The following SLC9C1 variants were observed in gnomAD, a reference collection of about 807,000 sequenced individuals.
The protein encoded by SLC9C1 is solute carrier family 9 member C1, also known as sodium/hydrogen exchanger 10.
Under a neutral mutation model 140.9 loss-of-function variants are expected in SLC9C1, and 97 were observed. That is an observed-to-expected ratio of 0.69 (90% confidence interval 0.58 to 0.82). The LOEUF (loss-of-function observed/expected upper bound fraction) is 0.82. Among genes scored for constraint, SLC9C1 ranks in the 40% least tolerant of loss-of-function variants. SLC9C1 has a pLI of 0.00. For missense variants in SLC9C1, 1,340 were observed against 1,389.3 expected (o/e 0.96, Z 0.56); for synonymous variants, 440 against 442.6 (o/e 0.99, Z 0.07).
At chr3:112,238,856 A>T (rs1161488308) in intron 12 of SLC9C1, among the ~76,000 whole-genome samples, 1 of 152,198 alleles carries the variant, frequency 6.6e-6, no homozygotes, top group Non-Finnish European at 1.5e-5. Flanking sequence ...GTGAGGGGTC[A>T]GTCTGCCCCT....
Position 112,240,006 on chromosome 3 carries a change from C to A in SLC9C1, c.1280G>T (p.Gly427Val), listed in dbSNP as rs752212987. The change falls in exon 12 of 29, where the codon GGT becomes GTT. Residue 427 changes from glycine to valine, a missense_variant and splice_region_variant. Coordinates refer to ENST00000305815, the MANE Select transcript of SLC9C1 (RefSeq NM_183061.3). ...FILPVAVTILGLRDATSTKYK... is the reference protein window; with the variant it reads ...FILPVAVTILVLRDATSTKYK... The stretch of plus-strand genomic sequence containing the variant: ...TTTTGTTGATGTGGCATCACGAAGA[C>A]CTTTGATACAAACACACATTTGATA... 7 of 1,607,686 alleles carry A rather than the reference C, an allele frequency of 4.4e-6. No individual in the cohort carries two copies. The highest frequency in any genetic ancestry group is 1.7e-4 in the Middle Eastern group (1 of 6,028).
chr3:112,265,323 C>G (rs1290577826), intron 8 of SLC9C1, among the ~76,000 whole-genome samples: 1 of 152,026 alleles, frequency 6.6e-6, no homozygotes, highest in African/African-American at 2.4e-5. Flanking sequence ...GAATCATTCC[C>G]CATATATATA....
At chr3:112,282,032 A>T (rs1006331993) in intron 2 of SLC9C1, among the ~76,000 whole-genome samples, 1 of 152,234 alleles carries the variant, frequency 6.6e-6, no homozygotes, top group African/African-American at 2.4e-5. Context: ...AATTAACAGC[A>T]GAAATGACAA....
chr3:112,198,494 C>G (rs1337025956), intron 20 of SLC9C1, among the ~76,000 whole-genome samples: 1 of 151,732 alleles, frequency 6.6e-6, no homozygotes, highest in Non-Finnish European at 1.5e-5. Flanking sequence ...TCTTTTGTTC[C>G]TAACTTTAAT....
At chr3:112,216,816 A>G (rs1423627950) in intron 15 of SLC9C1, among the ~76,000 whole-genome samples, 5 of 152,194 alleles carry the variant, frequency 3.3e-5, no homozygotes, top group African/African-American at 1.2e-4. Context: ...AAGGATCTAG[A>G]ACTAGAAATA....
chr3:112,251,564 C>G (rs2079458089), intron 10 of SLC9C1, among the ~76,000 whole-genome samples: 1 of 152,122 alleles, frequency 6.6e-6, no homozygotes, highest in Non-Finnish European at 1.5e-5. Context: ...ATCCAGGAGG[C>G]CTGAGTAGCA....
At chr3:112,220,279 T>C (rs1305336577) in intron 14 of SLC9C1, among the ~76,000 whole-genome samples, 2 of 152,246 alleles carry the variant, frequency 1.3e-5, no homozygotes, top group Non-Finnish European at 1.5e-5. Flanking sequence ...AAATATGCCC[T>C]AATTTCTGGC....
Position 112,202,328 on chromosome 3 carries a change from T to G in SLC9C1, c.2244A>C (p.Ile748=). The change falls in exon 18 of 29, where the codon ATA becomes ATC. Residue 748 remains isoleucine, a synonymous_variant. Coordinates refer to ENST00000305815, the MANE Select transcript of SLC9C1 (RefSeq NM_183061.3). The part of the protein sequence containing the change: ...MSHQKTFWYG[I]LKGYVQGEAD... The stretch of plus-strand genomic sequence containing the variant: ...CTTCGCCTTGGACATAGCCTTTTAG[T>G]ATTCCATACCAAAAGGTCTTCTGAT... The G allele has an allele frequency of 6.2e-7, 1 of 1,611,098 alleles. No homozygotes were observed. The highest frequency in any genetic ancestry group is 2.2e-5 in the East Asian group (1 of 44,806).
At chr3:112,152,748 G>T (rs1008556583) in intron 27 of SLC9C1, among the ~76,000 whole-genome samples, 1 of 152,124 alleles carries the variant, frequency 6.6e-6, no homozygotes, top group Non-Finnish European at 1.5e-5. Context: ...GGAGAATGGC[G>T]ATGACTTTTA....
intron 16 of SLC9C1, among the ~76,000 whole-genome samples, chr3:112,206,828 C>T (rs940517077): frequency 3.5e-5 from 5 of 141,820 alleles, no homozygotes; most frequent in Admixed American, 2.2e-4. Context: ...GAACATCACA[C>T]ACCGGATCCT....
At chr3:112,278,475 T>C (rs898122161) in intron 4 of SLC9C1, among the ~76,000 whole-genome samples, 3 of 152,310 alleles carry the variant, frequency 2.0e-5, no homozygotes, top group Admixed American at 1.3e-4. Context: ...GAGTTAAAAT[T>C]ATATCTGGTA....
chr3:112,280,591 G>T, intron 3 of SLC9C1, 92 bp downstream of exon 3: 2 of 992,422 alleles, frequency 2.0e-6, no homozygotes, highest in African/African-American at 1.7e-5. Flanking sequence ...GAACAGTGAG[G>T]GGATGAATAA....
intron 12 of SLC9C1, among the ~76,000 whole-genome samples, chr3:112,235,895 A>G (rs927302284): frequency 6.6e-6 from 1 of 152,200 alleles, no homozygotes; most frequent in East Asian, 1.9e-4. Context: ...GGATTTTTGC[A>G]TCAATGTTCA....
chr3:112,264,073 CT>C (rs1445473711), intron 9 of SLC9C1, 126 bp downstream of exon 9: 1 of 436,610 alleles, frequency 2.3e-6, no homozygotes, highest in Admixed American at 5.2e-5. Flanking sequence ...CATTTATTTG[CT>C]GATGATCCTT....
chr3:112,141,376 A>G lies in SLC9C1; in HGVS notation c.3525-95T>C, dbSNP rs897423256. Reference sequence around the variant, plus strand: ...CAGAATAGGATGTACTAGAGGGTCAATTTGACTCCCATAAGACACACTTGG... The same window carrying G: ...CAGAATAGGATGTACTAGAGGGTCAGTTTGACTCCCATAAGACACACTTGG... On this transcript the variant is annotated intron_variant, in intron 28 of 28. Transcript: ENST00000305815. 201 of 1,284,304 alleles carry G rather than the reference A, an allele frequency of 1.6e-4. 2 individuals carry two copies. The highest frequency in any genetic ancestry group is 9.1e-4 in the South Asian group (55 of 60,382). The allele number at this position is 1,284,304 out of a possible 1,614,324, so 79.6% of individuals were successfully genotyped here.
intron 7 of SLC9C1, among the ~76,000 whole-genome samples, chr3:112,267,545 C>T (rs1003445156): frequency 1.7e-5 from 2 of 118,090 alleles, no homozygotes; most frequent in Admixed American, 1.2e-4. Flanking sequence ...CACTGCACTC[C>T]AGCCTGGGTG....
At chr3:112,209,908 A>G (rs956299216) in intron 15 of SLC9C1, among the ~76,000 whole-genome samples, 1 of 152,198 alleles carries the variant, frequency 6.6e-6, no homozygotes, top group Non-Finnish European at 1.5e-5. Context: ...AATGCTACCC[A>G]AAGCAATCTA....
chr3:112,217,245 A>C (rs2078404625), intron 15 of SLC9C1, among the ~76,000 whole-genome samples, 197 bp downstream of exon 15: 1 of 152,176 alleles, frequency 6.6e-6, no homozygotes, highest in Non-Finnish European at 1.5e-5. Flanking sequence ...TAGGAGATAT[A>C]CCTAATGTAA....
chr3:112,141,465 G>A (rs1451173012), intron 28 of SLC9C1, among the ~76,000 whole-genome samples, 184 bp from the exon 29 acceptor site: 2 of 152,144 alleles, frequency 1.3e-5, no homozygotes, highest in East Asian at 3.9e-4. Context: ...GTCACTCATA[G>A]AGTGGTGGCA....
Sources: gnomAD v4.1 joint callset for allele counts (sites outside exome capture counted in the v4.1 genomes callset) on GRCh38, gnomAD v4.1.1 for gene constraint, MANE v1.5 for transcripts, NCBI Gene and HGNC (gene_info 2026-07-23, HGNC 2026-07-21) for gene names.